The following EPDR1 variants were observed in gnomAD, a reference collection of about 807,000 sequenced individuals.
EPDR1 encodes ependymin related 1.
In EPDR1, 27 loss-of-function variants were observed where a neutral mutation model predicts 23.7. That is an observed-to-expected ratio of 1.14 (90% CI 0.84 to 1.57). The LOEUF (loss-of-function observed/expected upper bound fraction) is 1.57, where lower values mean the gene tolerates loss of function less well. Ranked by LOEUF, EPDR1 falls within the 40% of genes most tolerant of loss-of-function variation. EPDR1 has a pLI of 0.00. For synonymous variants in EPDR1, 137 were observed against 118.2 expected (o/e 1.16, Z -1.03); for missense variants, 349 against 290.4 (o/e 1.20, Z -1.47).
At chr7:37,931,139 TA>T in intron 1 of EPDR1, among the ~76,000 whole-genome samples, 1 of 152,322 alleles carries the variant, frequency 6.6e-6, no homozygotes, top group Non-Finnish European at 1.5e-5. Context: ...GCCATTTAAA[TA>T]ATGATTTTTT....
chr7:37,922,672 G>GGA (rs774686701), intron 1 of EPDR1, among the ~76,000 whole-genome samples: 18 of 151,104 alleles, frequency 1.2e-4, no homozygotes, highest in South Asian at 4.2e-4. Flanking sequence ...AGCTAGGGGG[G>GGA]GGTTCTGACG....
chr7:37,948,815 C>T (rs1216614116), intron 1 of EPDR1, 25 bp from the exon 2 acceptor site: 8 of 1,600,156 alleles, frequency 5.0e-6, no homozygotes, highest in Non-Finnish European at 6.8e-6. Flanking sequence ...AAGTCCCAAA[C>T]TACTTCTTTC....
intron 1 of EPDR1, among the ~76,000 whole-genome samples, chr7:37,943,721 CAT>C (rs1786216217): frequency 6.6e-6 from 1 of 152,112 alleles, no homozygotes; most frequent in South Asian, 2.1e-4. Context: ...ATTTTGAAAA[CAT>C]AGAAAAGTAC....
intron 1 of EPDR1, among the ~76,000 whole-genome samples, chr7:37,932,388 C>T (rs188964095): frequency 2.6e-5 from 4 of 152,156 alleles, no homozygotes; most frequent in Non-Finnish European, 4.4e-5. Context: ...CTGCTTACCT[C>T]GGCCTCCCAA....
Position 37,921,038 on chromosome 7 carries a change from G to A in EPDR1, c.99G>A (p.Leu33=), listed in dbSNP as rs1785684962. The change falls in exon 1 of 3, where the codon CTG becomes CTA. Residue 33 remains leucine (L), a synonymous_variant. Transcript: ENST00000199448. ...WAWTLCGLCS[L]GAVGAPRPCQ... ...GGACCCTGTGCGGCCTGTGCAGCCT[G>A]GGGGCGGTGGGAGCCCCGCGCCCGT... 1 of 1,531,580 alleles carries A rather than the reference G, an allele frequency of 6.5e-7. No homozygotes were observed. Among genetic ancestry groups the A allele is most frequent in the Admixed American group, 2.0e-5 (1 of 50,964 alleles). The allele number at this position is 1,531,580 out of a possible 1,614,324, so 94.9% of individuals were successfully genotyped here.
At chr7:37,933,218 G>A (rs1007110297) in intron 1 of EPDR1, among the ~76,000 whole-genome samples, 1 of 152,202 alleles carries the variant, frequency 6.6e-6, no homozygotes, top group Non-Finnish European at 1.5e-5. Flanking sequence ...TCAGATGGCC[G>A]GCATGCATTA....
chr7:37,950,267 C>T lies in EPDR1; in HGVS notation c.546C>T (p.Asn182=). 6.2e-7 allele frequency: 1 copy of T among 1,614,076 alleles called. No individual in the cohort carries two copies. Among genetic ancestry groups the T allele is most frequent in the Non-Finnish European group, 8.5e-7 (1 of 1,179,986 alleles). Residue 182 remains asparagine (N), a synonymous_variant, in exon 3 of 3, where the codon AAC becomes AAT. Transcript: ENST00000199448. The stretch of plus-strand genomic sequence containing the variant: ...CTGTCCAGGAAACCTTTACCATAAA[C>T]TACAGTGTGATATTGTCTACGCGGT... ...CYPVQETFTI[N]YSVILSTRFF...
chr7:37,942,682 AGTT>A (rs1392739845), intron 1 of EPDR1, among the ~76,000 whole-genome samples: 11 of 152,210 alleles, frequency 7.2e-5, no homozygotes, highest in Admixed American at 5.9e-4. Flanking sequence ...ACATGTACAG[AGTT>A]GTTATTTCTG....
chr7:37,935,101 T>C (rs1406622036), intron 1 of EPDR1, among the ~76,000 whole-genome samples: 2 of 152,238 alleles, frequency 1.3e-5, no homozygotes, highest in African/African-American at 2.4e-5. Context: ...ATGCAAATAC[T>C]AAACCATTTT....
At chr7:37,946,510 G>A (rs955615775) in intron 1 of EPDR1, among the ~76,000 whole-genome samples, 3 of 152,096 alleles carry the variant, frequency 2.0e-5, no homozygotes, top group Admixed American at 2.0e-4. Flanking sequence ...TCCTATGTTT[G>A]TTGGCCACAT....
intron 1 of EPDR1, among the ~76,000 whole-genome samples, chr7:37,922,987 G>A (rs570573869): frequency 9.8e-5 from 15 of 152,290 alleles, no homozygotes; most frequent in African/African-American, 3.4e-4. Context: ...GGGGATGCAG[G>A]TGTATCCATG....
At chr7:37,940,884 G>A (rs1786158903) in intron 1 of EPDR1, among the ~76,000 whole-genome samples, 1 of 152,012 alleles carries the variant, frequency 6.6e-6, no homozygotes. Context: ...CTAGTGCCCT[G>A]ATGTCAGTTT....
At chr7:37,926,786 T>C (rs1785822400) in intron 1 of EPDR1, 9 of 431,202 alleles carry the variant, frequency 2.1e-5, no homozygotes, top group South Asian at 1.3e-4. Context: ...TGTGAAATGA[T>C]ACATTTTTTC....
intron 1 of EPDR1, among the ~76,000 whole-genome samples, chr7:37,942,789 A>G (rs1786194430): frequency 1.3e-5 from 2 of 152,220 alleles, no homozygotes; most frequent in Admixed American, 1.3e-4. Flanking sequence ...TACTAAAAAA[A>G]AACTATTTTC....
chr7:37,934,945 TAA>T (rs35966595), intron 1 of EPDR1, among the ~76,000 whole-genome samples: 9,734 of 151,126 alleles, frequency 0.064, 345 homozygotes, highest in Middle Eastern at 0.13. Context: ...ACTTTGTCTT[TAA>T]AAAAAAAGTT....
At chr7:37,939,031 T>C (rs995923057) in intron 1 of EPDR1, among the ~76,000 whole-genome samples, 1 of 150,944 alleles carries the variant, frequency 6.6e-6, no homozygotes, top group African/African-American at 2.4e-5. Flanking sequence ...CAGGCTGGAG[T>C]GCAGTGACGG....
chr7:37,945,053 A>T (rs1474803369), intron 1 of EPDR1, among the ~76,000 whole-genome samples: 3 of 152,206 alleles, frequency 2.0e-5, no homozygotes, highest in African/African-American at 7.2e-5. Flanking sequence ...CGGGTCATTA[A>T]AAGTATCACA....
At chr7:37,931,161 C>T (rs969541929) in intron 1 of EPDR1, among the ~76,000 whole-genome samples, 6 of 151,850 alleles carry the variant, frequency 4.0e-5, no homozygotes, top group Non-Finnish European at 5.9e-5. Context: ...TTGGTGTATA[C>T]AATTTGGGTA....
In EPDR1 at chr7:37,950,263, T is replaced by A. The variant is rs962015787; in HGVS notation, c.542T>A (p.Ile181Lys). The change falls in exon 3 of 3, where the codon ATA becomes AAA. Residue 181 changes from isoleucine (I) to lysine (K), a missense_variant. By Grantham distance (102) the Ile-to-Lys change is moderately radical. Coordinates refer to ENST00000199448, the MANE Select transcript of EPDR1 (RefSeq NM_017549.5). ...TATCCTGTCCAGGAAACCTTTACCA[T>A]AAACTACAGTGTGATATTGTCTACG... ...DCYPVQETFT[I>K]NYSVILSTRF... is the part of the protein sequence containing the mutation. 2.5e-6 allele frequency: 4 copies of A among 1,614,044 alleles called. No homozygotes were observed. The highest frequency in any genetic ancestry group is 3.4e-6 in the Non-Finnish European group (4 of 1,180,024).
Sources: allele counts gnomAD v4.1 joint callset (sites outside exome capture counted in the v4.1 genomes callset), GRCh38; gene constraint gnomAD v4.1.1; transcripts MANE v1.5; gene names NCBI Gene and HGNC (gene_info 2026-07-23, HGNC 2026-07-21).